Variants in KDM4C observed in about 807,000 individuals in gnomAD.
KDM4C encodes the protein lysine-specific demethylase 4C.
KDM4C carries 81 observed loss-of-function variants against 129.3 expected under a neutral mutation model. The ratio of observed to expected loss-of-function variants is 0.63; its 90% CI spans 0.52 to 0.75. The LOEUF (loss-of-function observed/expected upper bound fraction) is 0.75, where lower values mean the gene tolerates loss of function less well. KDM4C is among the 30% of genes least tolerant of loss of function. The probability of loss-of-function intolerance (pLI) is 0.00; values close to 1 mark genes in which losing one functional copy is unlikely to be tolerated. For missense variants in KDM4C, 1,457 were observed against 1,304.0 expected (o/e 1.12, Z -1.81); for synonymous variants, 573 against 456.1 (o/e 1.26, Z -3.26).
chr9:7,079,177 A>G (rs1388444193), intron 17 of KDM4C, among the ~76,000 whole-genome samples: 2 of 152,192 alleles, frequency 1.3e-5, no homozygotes, highest in Non-Finnish European at 2.9e-5. Context: ...TTCAAGGCAT[A>G]ACAGTTTCAG....
intron 1 of KDM4C, among the ~76,000 whole-genome samples, chr9:6,742,097 C>G (rs1430935200): frequency 1.3e-5 from 2 of 151,552 alleles, no homozygotes; most frequent in African/African-American, 4.9e-5. Flanking sequence ...CTCAGCCTCC[C>G]TAGTAGCTGG....
upstream of KDM4C, chr9:6,757,657 G>T (rs1290861118): frequency 2.0e-6 from 2 of 985,406 alleles, no homozygotes; most frequent in Non-Finnish European, 2.4e-6. Context: ...GGTGCGCGTC[G>T]GCGCCCAGGA....
At chr9:6,929,748 C>G (rs1053852829) in intron 8 of KDM4C, among the ~76,000 whole-genome samples, 1 of 152,004 alleles carries the variant, frequency 6.6e-6, no homozygotes, top group Non-Finnish European at 1.5e-5. Flanking sequence ...TTGGTATGTG[C>G]AAGCAGAAAG....
chr9:6,857,416 G>A (rs1840059088), intron 5 of KDM4C, among the ~76,000 whole-genome samples: 1 of 152,326 alleles, frequency 6.6e-6, no homozygotes, highest in South Asian at 2.1e-4. Flanking sequence ...AGAGAATACA[G>A]TGCTAACTGG....
At chr9:6,905,337 G>C (rs1818130530) in intron 8 of KDM4C, among the ~76,000 whole-genome samples, 1 of 152,064 alleles carries the variant, frequency 6.6e-6, no homozygotes, top group South Asian at 2.1e-4. Flanking sequence ...AACTCTTCTC[G>C]GTTGTATAAT....
chr9:6,732,642 A>G (rs62566479), intron 1 of KDM4C, among the ~76,000 whole-genome samples: 13,107 of 152,266 alleles, frequency 0.086, 733 homozygotes, highest in Non-Finnish European at 0.12. Flanking sequence ...ACAGGTATCA[A>G]CCAGAAAGTA....
chr9:6,843,255 G>C (rs771351164), intron 4 of KDM4C, among the ~76,000 whole-genome samples: 1 of 152,244 alleles, frequency 6.6e-6, no homozygotes, highest in South Asian at 2.1e-4. Flanking sequence ...GGAACAGGAT[G>C]CTGACAGCCC....
chr9:6,862,843 AAAC>A (rs1326446381), intron 5 of KDM4C, among the ~76,000 whole-genome samples: 1 of 135,654 alleles, frequency 7.4e-6, no homozygotes, highest in Non-Finnish European at 1.7e-5. Context: ...AACAAACAAA[AAAC>A]AAAAAAAAAT....
At chr9:6,778,991 G>A (rs1205343279) in intron 1 of KDM4C, among the ~76,000 whole-genome samples, 1 of 149,082 alleles carries the variant, frequency 6.7e-6, no homozygotes, top group Non-Finnish European at 1.5e-5. Flanking sequence ...CAAAGTGCTG[G>A]GATTACAGGC....
intron 8 of KDM4C, among the ~76,000 whole-genome samples, chr9:6,961,374 T>C (rs755025361): frequency 1.7e-4 from 26 of 152,112 alleles, no homozygotes; most frequent in Non-Finnish European, 3.5e-4. Flanking sequence ...CATGCATATA[T>C]AGTGTTTTGT....
In KDM4C at chr9:7,100,991, A is replaced by T. The variant is rs542777556; in HGVS notation, c.2425-2694A>T. On this transcript the variant is annotated intron_variant, in intron 17 of 21. Transcript: ENST00000381309. ...ATTCCATACATGTTCTGGTCCTCTGATGGCACTGTCTCTTGTTTGTCATTG... is the reference window on the plus strand; with the variant it reads ...ATTCCATACATGTTCTGGTCCTCTGTTGGCACTGTCTCTTGTTTGTCATTG... 2.8e-3 allele frequency among the ~76,000 whole-genome samples: 433 copies of T among 152,154 alleles called. 2 individuals are homozygous for T. Among genetic ancestry groups the T allele is most frequent in the South Asian group, 0.017 (80 of 4,812 alleles).
chr9:6,832,403 A>G (rs1364544234), intron 4 of KDM4C, among the ~76,000 whole-genome samples: 3 of 147,538 alleles, frequency 2.0e-5, no homozygotes, highest in Non-Finnish European at 3.0e-5. Flanking sequence ...ATAAAGTAGT[A>G]TAGATTATTC....
At chr9:6,895,782 G>A (rs1446620912) in intron 8 of KDM4C, among the ~76,000 whole-genome samples, 1 of 152,168 alleles carries the variant, frequency 6.6e-6, no homozygotes, top group Non-Finnish European at 1.5e-5. Context: ...TTTGAGTTAT[G>A]TAACCAATTT....
At chr9:7,115,708 C>A (rs988535070) in intron 18 of KDM4C, among the ~76,000 whole-genome samples, 1 of 152,222 alleles carries the variant, frequency 6.6e-6, no homozygotes, top group Non-Finnish European at 1.5e-5. Context: ...ACTCTCCAAG[C>A]CTTGATTGTA....
intron 1 of KDM4C, among the ~76,000 whole-genome samples, chr9:6,732,273 G>C (rs1390522186): frequency 6.7e-6 from 1 of 148,302 alleles, no homozygotes; most frequent in Non-Finnish European, 1.5e-5. Context: ...GCTGAGGCAG[G>C]AGAATCGCTG....
intron 8 of KDM4C, among the ~76,000 whole-genome samples, chr9:6,907,137 A>G (rs935825952): frequency 6.6e-6 from 1 of 152,232 alleles, no homozygotes; most frequent in Non-Finnish European, 1.5e-5. Flanking sequence ...AGCAGGGTGT[A>G]TGTATTGATG....
intron 1 of KDM4C, among the ~76,000 whole-genome samples, chr9:6,724,517 T>A (rs1817059579): frequency 6.6e-6 from 1 of 151,990 alleles, no homozygotes; most frequent in Admixed American, 6.6e-5. Flanking sequence ...ACTGGACATA[T>A]TATTATTATT....
intron 4 of KDM4C, among the ~76,000 whole-genome samples, chr9:6,837,120 C>T (rs1315631415): frequency 3.9e-5 from 6 of 152,098 alleles, no homozygotes; most frequent in African/African-American, 9.7e-5. Flanking sequence ...TGCAGTGGTA[C>T]GATCTTGGCT....
intron 4 of KDM4C, among the ~76,000 whole-genome samples, chr9:6,815,678 T>TA (rs1831956391): frequency 6.6e-6 from 1 of 152,226 alleles, no homozygotes; most frequent in African/African-American, 2.4e-5. Flanking sequence ...GCATGACCTT[T>TA]GAGCATCGTG....
Sources: gnomAD v4.1 joint callset for allele counts (sites outside exome capture counted in the v4.1 genomes callset) on GRCh38, gnomAD v4.1.1 for gene constraint, MANE v1.5 for transcripts, NCBI Gene and HGNC (gene_info 2026-07-23, HGNC 2026-07-21) for gene names.